The following LDB2 variants were observed in gnomAD, a reference collection of about 807,000 sequenced individuals.
The protein encoded by LDB2 is LIM domain binding 2.
Under a neutral mutation model 44.3 loss-of-function variants are expected in LDB2, and 12 were observed. That is an observed-to-expected ratio of 0.27 (90% CI 0.17 to 0.44). The LOEUF (loss-of-function observed/expected upper bound fraction) is 0.44. LDB2 is among the 20% of genes least tolerant of loss of function. LDB2 has a pLI of 1.00. For synonymous variants in LDB2, 164 were observed against 174.8 expected, an observed-to-expected ratio of 0.94 and a Z score of 0.49; for missense variants, 344 against 473.5, an observed-to-expected ratio of 0.73 and a Z score of 2.54.
At chr4:16,620,642 A>G (rs114410947) in intron 2 of LDB2, among the ~76,000 whole-genome samples, 178 of 152,218 alleles carry the variant, frequency 1.2e-3, no homozygotes, top group African/African-American at 3.8e-3. Flanking sequence ...CTTATCAGAG[A>G]GCTTGAAATT....
At chr4:16,633,056 G>GA (rs1213636942) in intron 2 of LDB2, among the ~76,000 whole-genome samples, 2 of 152,176 alleles carry the variant, frequency 1.3e-5, no homozygotes, top group African/African-American at 4.8e-5. Context: ...ATCAATGATA[G>GA]ACTGGATTAA....
At chr4:16,871,591 CA>C (rs1288948857) in intron 1 of LDB2, among the ~76,000 whole-genome samples, 1 of 150,982 alleles carries the variant, frequency 6.6e-6, no homozygotes, top group Non-Finnish European at 1.5e-5. Flanking sequence ...AAGAAAATAT[CA>C]GCCAACATTC....
At chr4:16,542,677 T>C (rs1280029451) in intron 5 of LDB2, among the ~76,000 whole-genome samples, 2 of 152,170 alleles carry the variant, frequency 1.3e-5, no homozygotes, top group Non-Finnish European at 2.9e-5. Flanking sequence ...AACAATAGTC[T>C]ATTCATTGAC....
At chr4:16,732,610 C>T (rs1760987943) in intron 2 of LDB2, among the ~76,000 whole-genome samples, 1 of 152,130 alleles carries the variant, frequency 6.6e-6, no homozygotes, top group South Asian at 2.1e-4. Context: ...AACTCATTAC[C>T]ATCCACAGCT....
intron 2 of LDB2, among the ~76,000 whole-genome samples, chr4:16,718,648 A>G (rs1757582424): frequency 1.3e-5 from 2 of 152,140 alleles, no homozygotes; most frequent in Admixed American, 6.6e-5. Flanking sequence ...ATGGTCAACA[A>G]TTTGAGAATC....
At chr4:16,659,508 T>TA (rs1210781408) in intron 2 of LDB2, among the ~76,000 whole-genome samples, 3 of 151,716 alleles carry the variant, frequency 2.0e-5, no homozygotes, top group African/African-American at 7.3e-5. Flanking sequence ...TTCTAACTTT[T>TA]AATTTGTTTT....
chr4:16,506,951 C>T (rs1055504085), intron 7 of LDB2: 1 of 152,144 alleles, frequency 6.6e-6, no homozygotes, highest in Admixed American at 6.5e-5. Context: ...GCCTTTAACT[C>T]CAGGATTGGA....
chr4:16,752,358 G>A (rs1452408895), intron 2 of LDB2: 1 of 441,386 alleles, frequency 2.3e-6, no homozygotes, highest in Non-Finnish European at 4.5e-6. Flanking sequence ...ACCCTCTGTT[G>A]GACAGATGTG....
At chr4:16,757,568 A>C (rs1166420698) in intron 2 of LDB2, among the ~76,000 whole-genome samples, 1 of 152,166 alleles carries the variant, frequency 6.6e-6, no homozygotes, top group Non-Finnish European at 1.5e-5. Context: ...TGGATTCCCG[A>C]ACCAACAAAG....
chr4:16,847,621 G>GTTTA (rs1426664258), intron 1 of LDB2, among the ~76,000 whole-genome samples: 1 of 148,490 alleles, frequency 6.7e-6, no homozygotes, highest in Non-Finnish European at 1.5e-5. Context: ...TTGTTTGTTT[G>GTTTA]TTTGTTTGTT....
intron 5 of LDB2, among the ~76,000 whole-genome samples, chr4:16,536,306 A>G (rs1468987065): frequency 6.6e-6 from 1 of 152,164 alleles, no homozygotes; most frequent in Non-Finnish European, 1.5e-5. Flanking sequence ...TAGCTAGGAA[A>G]GAGGTTCTCA....
At chr4:16,797,181 G>A (rs1776904055) in intron 1 of LDB2, among the ~76,000 whole-genome samples, 1 of 152,184 alleles carries the variant, frequency 6.6e-6, no homozygotes, top group African/African-American at 2.4e-5. Context: ...GAAAAGGTCA[G>A]CCCGCCCTGT....
intron 5 of LDB2, among the ~76,000 whole-genome samples, chr4:16,517,682 C>G (rs1468723509): frequency 6.6e-6 from 1 of 152,216 alleles, no homozygotes; most frequent in East Asian, 1.9e-4. Context: ...GTGTCCCTGT[C>G]AAGTCCAGAT....
chr4:16,507,444 T>C (rs1223822528), intron 7 of LDB2, among the ~76,000 whole-genome samples: 1 of 151,596 alleles, frequency 6.6e-6, no homozygotes, highest in Admixed American at 6.6e-5. Flanking sequence ...TGGAAGTAAG[T>C]GGGGAATCCC....
rs767928043 is a variant in LDB2, at chr4:16,503,041, A to AAAT, written c.892-171_892-169dup. 7 of 1,546,714 alleles carry AAAT rather than the reference A, an allele frequency of 4.5e-6. No individual in the cohort carries two copies. The African/African-American group carries it at 8.2e-5, about 18-fold the overall frequency. ...GAGACGCATATTTGATTTCTACAGG[A>AAAT]AATAAACATCGCCTCCTGATGTGTA... On this transcript the variant is annotated intron_variant, in intron 7 of 7. Coordinates refer to ENST00000304523, the MANE Select transcript of LDB2 (RefSeq NM_001290.5).
intron 5 of LDB2, among the ~76,000 whole-genome samples, chr4:16,572,827 A>T (rs527553371): frequency 6.6e-6 from 1 of 152,270 alleles, no homozygotes; most frequent in South Asian, 2.1e-4. Flanking sequence ...CCGCATTCCC[A>T]TGGCTCCAAA....
chr4:16,746,592 G>T (rs934729900), intron 2 of LDB2, among the ~76,000 whole-genome samples: 4 of 152,188 alleles, frequency 2.6e-5, no homozygotes, highest in South Asian at 2.1e-4. Context: ...TTTGAGATCA[G>T]CCTGGCCAAC....
chr4:16,833,652 C>T (rs796683284), intron 1 of LDB2, among the ~76,000 whole-genome samples: 4 of 151,982 alleles, frequency 2.6e-5, no homozygotes, highest in African/African-American at 9.6e-5. Flanking sequence ...AAATGATTCT[C>T]CTGCCTCAGC....
chr4:16,883,499 A>G (rs1454056100), intron 1 of LDB2, among the ~76,000 whole-genome samples: 1 of 152,248 alleles, frequency 6.6e-6, no homozygotes, highest in African/African-American at 2.4e-5. Flanking sequence ...AGTAGAGGGA[A>G]GAGCCACACC....
Sources: gnomAD v4.1 joint callset for allele counts (sites outside exome capture counted in the v4.1 genomes callset) on GRCh38, gnomAD v4.1.1 for gene constraint, MANE v1.5 for transcripts, NCBI Gene and HGNC (gene_info 2026-07-23, HGNC 2026-07-21) for gene names.